Variants in RNF157 observed in about 807,000 individuals in gnomAD.
RNF157 encodes E3 ubiquitin ligase RNF157.
Under a neutral mutation model 88.3 loss-of-function variants are expected in RNF157, and 55 were observed. The ratio of observed to expected loss-of-function variants is 0.62; its 90% CI spans 0.50 to 0.78. The LOEUF (loss-of-function observed/expected upper bound fraction) is 0.78, where lower values mean the gene tolerates loss of function less well. Ranked by LOEUF, RNF157 falls within the 30% of genes least tolerant of loss-of-function variation. The pLI, the probability that RNF157 is intolerant of heterozygous loss-of-function variation, is 0.00. For synonymous variants in RNF157, 334 were observed against 341.2 expected (o/e 0.98, Z 0.23); for missense variants, 788 against 860.8 (o/e 0.92, Z 1.06).
chr17:76,219,795 C>A (rs915887246), intron 1 of RNF157, among the ~76,000 whole-genome samples: 1 of 151,782 alleles, frequency 6.6e-6, no homozygotes, highest in Non-Finnish European at 1.5e-5. Flanking sequence ...AAGAAAACTG[C>A]GAAAAATATA....
chr17:76,168,631 A>G (rs2068965689), intron 3 of RNF157, among the ~76,000 whole-genome samples: 1 of 151,552 alleles, frequency 6.6e-6, no homozygotes, highest in Non-Finnish European at 1.5e-5. Flanking sequence ...CCACCCTGGA[A>G]TCTCTCTCCC....
At chr17:76,153,981 G>A (rs1468312577) in intron 17 of RNF157, 1 of 315,488 alleles carries the variant, frequency 3.2e-6, no homozygotes, top group Non-Finnish European at 6.0e-6. Context: ...GGAGGCTGAT[G>A]ATGGGAGCTG....
chr17:76,222,505 T>G (rs575643856), intron 1 of RNF157, among the ~76,000 whole-genome samples: 1 of 152,286 alleles, frequency 6.6e-6, no homozygotes, highest in South Asian at 2.1e-4. Context: ...TTTGGCACAG[T>G]CAGGTTATAA....
chr17:76,186,389 C>A (rs996643503), intron 2 of RNF157, among the ~76,000 whole-genome samples: 4 of 151,874 alleles, frequency 2.6e-5, no homozygotes, highest in Middle Eastern at 3.4e-3. Context: ...TGCCTGTAAT[C>A]CCAGCTACTC....
intron 6 of RNF157, among the ~76,000 whole-genome samples, 155 bp from the exon 7 acceptor site, chr17:76,165,700 CAG>C (rs1356441869): frequency 6.6e-6 from 1 of 151,200 alleles, no homozygotes; most frequent in Non-Finnish European, 1.5e-5. Context: ...TTTTTTGAGA[CAG>C]AGTCTGGCTC....
intron 12 of RNF157, among the ~76,000 whole-genome samples, chr17:76,158,828 G>A (rs900011440): frequency 2.1e-4 from 32 of 152,176 alleles, no homozygotes; most frequent in African/African-American, 7.5e-4. Context: ...GAAGCGCTAA[G>A]TTTTACTTTT....
In RNF157 at chr17:76,230,621, C is replaced by T. The variant is rs1157119046; in HGVS notation, c.88+9532G>A. Reference sequence around the variant, plus strand: ...TTGGGAGGCTGAGGTGGGTGGATCACGAGGTCAGGAGTTTGAGACCAGCCT... The same window carrying T: ...TTGGGAGGCTGAGGTGGGTGGATCATGAGGTCAGGAGTTTGAGACCAGCCT... On this transcript the variant is annotated intron_variant, in intron 1 of 18. Transcript: ENST00000269391. Among the ~76,000 whole-genome samples, 8 of 152,024 alleles carry T rather than the reference C, an allele frequency of 5.3e-5. No homozygotes were observed. The East Asian group carries it at 1.4e-3, about 26-fold the overall frequency.
At chr17:76,206,079 T>A (rs1318780741) in intron 2 of RNF157, among the ~76,000 whole-genome samples, 1 of 151,630 alleles carries the variant, frequency 6.6e-6, no homozygotes, top group Non-Finnish European at 1.5e-5. Context: ...AAATTTTTTT[T>A]AAAAAGCCAG....
rs371830946 is a variant in RNF157 at position 76,159,412 on chromosome 17, G to A, written c.1227C>T (p.Pro409=). The change falls in exon 12 of 19, where the codon CCC becomes CCT. Residue 409 remains proline (P), a synonymous_variant. Transcript: ENST00000269391. ...PSYGSDGHLP[P]VRTISPLDRL... Reference sequence around the variant, plus strand: ...GGTCAAGAGGCGAGATCGTCCTGACGGGGGGCAGGTGGCCATCACTGCCAT... The same window carrying A: ...GGTCAAGAGGCGAGATCGTCCTGACAGGGGGCAGGTGGCCATCACTGCCAT... 2.6e-5 allele frequency: 42 copies of A among 1,612,948 alleles called. No homozygotes were observed. The highest frequency in any genetic ancestry group is 1.1e-4 in the South Asian group (10 of 90,660).
In RNF157 at chr17:76,161,680, C is replaced by G. The variant is rs2068847237; in HGVS notation, c.953-33G>C. On this transcript the variant is annotated intron_variant, in intron 10 of 18. Coordinates refer to ENST00000269391, the MANE Select transcript of RNF157 (RefSeq NM_052916.3). This position sits in a 1 kb window ranked among gnomAD's most constrained non-coding sequence, Gnocchi z 4.6. The stretch of plus-strand genomic sequence containing the variant: ...GGAGAAAACAGGCAATCAGGACATC[C>G]TGATACAGGATTAAGAATGAACAAG... 1 of 1,586,788 alleles carries G rather than the reference C, an allele frequency of 6.3e-7. No homozygotes were observed. Among genetic ancestry groups the G allele is most frequent in the Non-Finnish European group, 8.6e-7 (1 of 1,157,410 alleles).
chr17:76,166,669 G>A, intron 5 of RNF157, 142 bp from the exon 6 acceptor site: 1 of 706,998 alleles, frequency 1.4e-6, no homozygotes, highest in African/African-American at 1.8e-5. Context: ...AATTACCCAA[G>A]TTTGTTAACT....
At position 76,176,679 on chromosome 17, in the gene RNF157, G is replaced by A. The variant is rs2069108091; in HGVS notation, c.208-2889C>T. 6.6e-6 allele frequency among the ~76,000 whole-genome samples: 1 copy of A among 152,190 alleles called. No homozygotes were observed. The highest frequency in any genetic ancestry group is 1.5e-5 in the Non-Finnish European group (1 of 68,024). Reference sequence around the variant, plus strand: ...TGGAGGCCACCCCATGGGGCTGGCCGGGTTACCCACCAGCAGAGGAGCAGC... The same window carrying A: ...TGGAGGCCACCCCATGGGGCTGGCCAGGTTACCCACCAGCAGAGGAGCAGC... On this transcript the variant is annotated intron_variant, in intron 2 of 18. Coordinates refer to ENST00000269391, the MANE Select transcript of RNF157 (RefSeq NM_052916.3). This position sits in a 1 kb window ranked among gnomAD's most constrained non-coding sequence, Gnocchi z 4.2.
At chr17:76,191,855 C>A (rs1414019299) in intron 2 of RNF157, among the ~76,000 whole-genome samples, 1 of 151,984 alleles carries the variant, frequency 6.6e-6, no homozygotes, top group African/African-American at 2.4e-5. Context: ...TTTGATTGGC[C>A]GGGAAAGACC....
chr17:76,147,095 G>A (rs2068596708), intron 18 of RNF157: 1 of 985,310 alleles, frequency 1.0e-6, no homozygotes, highest in Non-Finnish European at 1.2e-6. Context: ...CCCTGGGGGT[G>A]GGTACTGGAG....
chr17:76,158,277 G>A (rs1425417816), intron 13 of RNF157, 116 bp downstream of exon 13: 2 of 725,110 alleles, frequency 2.8e-6, no homozygotes, highest in Non-Finnish European at 5.0e-6. Flanking sequence ...TGCCTCAGAG[G>A]GTGCTGACAA....
Position 76,158,334 on chromosome 17 carries a change from AG to A in RNF157, c.1413+58del, listed in dbSNP as rs577797632. The A allele has an allele frequency of 3.4e-4, 382 of 1,109,898 alleles. No homozygotes were observed. The African/African-American group carries it at 4.9e-3, about 14-fold the overall frequency. The allele number at this position is 1,109,898 out of a possible 1,614,324, so 68.8% of individuals were successfully genotyped here. Reference sequence around the variant, plus strand: ...AGCAGAGGGACCTGATGAGGCATGCAGGTAGGAGGGAAGTCCCTGGAGTACA... The same window carrying A: ...AGCAGAGGGACCTGATGAGGCATGCAGTAGGAGGGAAGTCCCTGGAGTACA... On this transcript the variant is annotated intron_variant, in intron 13 of 18. Coordinates refer to ENST00000269391, the MANE Select transcript of RNF157 (RefSeq NM_052916.3).
chr17:76,155,673 AGT>A lies in RNF157; in HGVS notation c.1585_1586del (p.Thr529Ter). The A allele has an allele frequency of 6.2e-7, 1 of 1,613,194 alleles. No individual in the cohort carries two copies. The highest frequency in any genetic ancestry group is 8.5e-7 in the Non-Finnish European group (1 of 1,179,650). On this transcript the variant is annotated frameshift_variant, in exon 15 of 19. Transcript: ENST00000269391. LOFTEE classifies it high-confidence loss of function. Reference sequence around the variant, plus strand: ...AGCCAGACATGGAGGAGACGGTGTCAGTGCTGATCTGGGAGGATGCCATGGAC... The same window carrying A: ...AGCCAGACATGGAGGAGACGGTGTCAGCTGATCTGGGAGGATGCCATGGAC... ...VMSMASSQIS[T>X]DTVSSMSGSY...
chr17:76,150,141 T>G (rs1228191029), intron 18 of RNF157, among the ~76,000 whole-genome samples: 1 of 127,162 alleles, frequency 7.9e-6, no homozygotes, highest in East Asian at 2.0e-4. Context: ...TCACACATAT[T>G]TTTTTTCTTG....
intron 13 of RNF157, among the ~76,000 whole-genome samples, chr17:76,156,901 A>ATCCCT (rs1182767444): frequency 6.6e-6 from 1 of 151,098 alleles, no homozygotes; most frequent in Non-Finnish European, 1.5e-5. Flanking sequence ...TATCTCCATA[A>ATCCCT]TCCCTTCCCT....
Sources: allele counts gnomAD v4.1 joint callset (sites outside exome capture counted in the v4.1 genomes callset), GRCh38; gene constraint gnomAD v4.1.1; non-coding constraint Gnocchi (gnomAD v3.1); transcripts MANE v1.5; gene names NCBI Gene and HGNC (gene_info 2026-07-23, HGNC 2026-07-21).